The following LPA variants were observed in gnomAD, a reference collection of about 807,000 sequenced individuals.
LPA encodes the protein apolipoprotein(a).
In LPA, 199 loss-of-function variants were observed where a neutral mutation model predicts 197.9. The ratio of observed to expected loss-of-function variants is 1.01; its 90% CI spans 0.90 to 1.13. LPA has a LOEUF of 1.13. LPA is among the 50% of genes most tolerant of loss of function. The pLI, the probability that LPA is intolerant of heterozygous loss-of-function variation, is 0.00. For missense variants in LPA, 1,853 were observed against 1,785.8 expected, an observed-to-expected ratio of 1.04 and a Z score of -0.68; for synonymous variants, 715 against 639.5, an observed-to-expected ratio of 1.12 and a Z score of -1.78.
intron 37 of LPA, among the ~76,000 whole-genome samples, chr6:160,536,707 G>C (rs1777900544): frequency 6.6e-6 from 1 of 152,156 alleles, no homozygotes. Flanking sequence ...CACACCCATA[G>C]GTGCCCCTCA....
At chr6:160,662,600 A>T (rs528941461) in intron 1 of LPA, among the ~76,000 whole-genome samples, 2 of 152,230 alleles carry the variant, frequency 1.3e-5, no homozygotes, top group South Asian at 4.2e-4. Context: ...GTTCACAGTG[A>T]TCTACATCCT....
chr6:160,570,470 C>T (rs962340181), intron 28 of LPA, among the ~76,000 whole-genome samples: 1 of 152,118 alleles, frequency 6.6e-6, no homozygotes, highest in Non-Finnish European at 1.5e-5. Context: ...GAACATCACA[C>T]ACCGGGGCCT....
chr6:160,603,232 A>AGG (rs1389475259), intron 18 of LPA, among the ~76,000 whole-genome samples: 6 of 80,956 alleles, frequency 7.4e-5, no homozygotes, highest in Admixed American at 2.3e-4. Context: ...GTATTTGTGG[A>AGG]GGTGTGTGTG....
rs6920765 is a variant in LPA at position 160,542,616 on chromosome 6, G to A, written c.5519+72C>T. On this transcript the variant is annotated intron_variant, in intron 34 of 38. Coordinates refer to ENST00000316300, the MANE Select transcript of LPA (RefSeq NM_005577.4). ...TTGATGCATCAGCTGTGTGGGTTCT[G>A]TGTAAATGTAGAAGGGTTTTGTGGG... is the stretch of plus-strand genomic sequence containing the variant. 5.9e-3 allele frequency: 9,498 copies of A among 1,606,186 alleles called. 160 individuals carry two copies. The highest frequency in any genetic ancestry group is 0.057 in the African/African-American group (4,267 of 74,836).
chr6:160,578,907 T>A (rs1489010619), intron 26 of LPA, among the ~76,000 whole-genome samples: 2 of 152,228 alleles, frequency 1.3e-5, no homozygotes, highest in Non-Finnish European at 2.9e-5. Flanking sequence ...TTATAATTTT[T>A]GTTTTAAAAC....
At chr6:160,611,479 G>T in intron 16 of LPA, 83 bp downstream of exon 16, 4 of 1,574,984 alleles carry the variant, frequency 2.5e-6, no homozygotes, top group Non-Finnish European at 2.6e-6. Flanking sequence ...GTTGAGTTCG[G>T]AGAACTCAGC....
At chr6:160,615,352 T>TGTGTG (rs1562346207) in intron 14 of LPA, among the ~76,000 whole-genome samples, 1,236 of 121,358 alleles carry the variant, frequency 0.01, no homozygotes, top group East Asian at 0.013. Flanking sequence ...TGTTTTCAGT[T>TGTGTG]TGTGTGTGTG....
chr6:160,582,574 T>G (rs1412797976), intron 26 of LPA, among the ~76,000 whole-genome samples: 2 of 152,142 alleles, frequency 1.3e-5, no homozygotes, highest in Non-Finnish European at 2.9e-5. Flanking sequence ...TTACTCTATG[T>G]AAAGGTATGT....
At chr6:160,587,812 G>A (rs1414908103) in intron 24 of LPA, among the ~76,000 whole-genome samples, 1 of 114,664 alleles carries the variant, frequency 8.7e-6, no homozygotes, top group Non-Finnish European at 1.9e-5. Flanking sequence ...TCTGTCTGTT[G>A]GTCTGTCTGT....
At chr6:160,611,453 T>G (rs1779515689) in intron 16 of LPA, 109 bp downstream of exon 16, 3 of 1,537,780 alleles carry the variant, frequency 2.0e-6, no homozygotes, top group African/African-American at 1.4e-5. Flanking sequence ...TGCTACACCA[T>G]CTGAATCTGA....
chr6:160,583,440 T>C (rs1778837527), intron 26 of LPA, among the ~76,000 whole-genome samples: 1 of 152,186 alleles, frequency 6.6e-6, no homozygotes, highest in African/African-American at 2.4e-5. Context: ...TTAATTCTAC[T>C]CCTGAAGTAT....
intron 30 of LPA, among the ~76,000 whole-genome samples, chr6:160,554,674 G>C (rs1430160318): frequency 6.6e-6 from 1 of 151,984 alleles, no homozygotes; most frequent in African/African-American, 2.4e-5. Context: ...CCCTGAATTT[G>C]TCCTTTCCCC....
chr6:160,650,843 C>T (rs1032640059), intron 1 of LPA, among the ~76,000 whole-genome samples: 4 of 152,160 alleles, frequency 2.6e-5, no homozygotes, highest in African/African-American at 9.7e-5. Context: ...ACATTTGGCA[C>T]TGCAAGCTGT....
At chr6:160,597,958 C>A (rs1238239902) in intron 20 of LPA, among the ~76,000 whole-genome samples, 1 of 152,178 alleles carries the variant, frequency 6.6e-6, no homozygotes, top group Non-Finnish European at 1.5e-5. Flanking sequence ...GACTAGGACA[C>A]CATTTTAATG....
intron 34 of LPA, among the ~76,000 whole-genome samples, chr6:160,541,605 T>C (rs911972068): frequency 3.3e-5 from 5 of 152,230 alleles, no homozygotes; most frequent in Non-Finnish European, 7.3e-5. Flanking sequence ...TGAGCAGCAG[T>C]GACTCATGAG....
intron 2 of LPA, among the ~76,000 whole-genome samples, chr6:160,649,162 C>G (rs1454915442): frequency 6.6e-6 from 1 of 152,146 alleles, no homozygotes; most frequent in Non-Finnish European, 1.5e-5. Flanking sequence ...ACTAATTCTA[C>G]TCCTAAAGTA....
Position 160,591,018 on chromosome 6 carries a change from T to C in LPA, c.3713A>G (p.Glu1238Gly). The C allele has an allele frequency of 1.2e-6, 2 of 1,614,012 alleles. No individual in the cohort carries two copies. Among genetic ancestry groups the C allele is most frequent in the Non-Finnish European group, 8.5e-7 (1 of 1,179,940 alleles). ...CYTMDPNVRW[E>G]YCNLTQCPVT... is the part of the protein sequence containing the mutation. ...TGGACATTGTGTCAGGTTGCAGTAC[T>C]CCCATCTGACATTGGGATCCATGGT... The change falls in exon 23 of 39, where the codon GAG (glutamate) becomes GGG (glycine). Residue 1238 changes from glutamate (E) to glycine (G), a missense_variant. By Grantham distance (98) the Glu-to-Gly change is moderately conservative. Transcript: ENST00000316300.
intron 28 of LPA, among the ~76,000 whole-genome samples, chr6:160,575,886 CA>C (rs1242097782): frequency 6.6e-6 from 1 of 152,160 alleles, no homozygotes. Context: ...TTTATCTCCA[CA>C]AATTCTTTCT....
chr6:160,601,140 A>C (rs1313079661), intron 18 of LPA, 42 bp from the exon 19 acceptor site: 1 of 1,576,992 alleles, frequency 6.3e-7, no homozygotes, highest in Admixed American at 1.7e-5. Flanking sequence ...AAATGGGTAC[A>C]TATGCAGGAA....
Sources: allele counts gnomAD v4.1 joint callset (sites outside exome capture counted in the v4.1 genomes callset), GRCh38; gene constraint gnomAD v4.1.1; transcripts MANE v1.5; gene names NCBI Gene and HGNC (gene_info 2026-07-23, HGNC 2026-07-21).